Variants in CAPN13 observed in about 807,000 individuals in gnomAD.
The protein encoded by CAPN13 is calpain-13.
Under a neutral mutation model 98.4 loss-of-function variants are expected in CAPN13, and 90 were observed. That is an observed-to-expected ratio of 0.92 (90% CI 0.77 to 1.09). The LOEUF is 1.09. Among genes scored for constraint, CAPN13 ranks in the 50% least tolerant of loss-of-function variants. The pLI is 0.00. For missense variants in CAPN13, 887 were observed against 841.3 expected, an observed-to-expected ratio of 1.05 and a Z score of -0.67; for synonymous variants, 330 against 305.5, an observed-to-expected ratio of 1.08 and a Z score of -0.84.
At chr2:30,743,667 C>T (rs1671768784) in intron 12 of CAPN13, 88 bp from the exon 13 acceptor site, 1 of 1,124,856 alleles carries the variant, frequency 8.9e-7, no homozygotes, top group African/African-American at 1.5e-5. Flanking sequence ...ACCTTCTAGA[C>T]CGTCTCCATT....
At chr2:30,754,442 C>A in intron 8 of CAPN13, 78 bp from the exon 9 acceptor site, 2 of 1,209,982 alleles carry the variant, frequency 1.7e-6, no homozygotes, top group Non-Finnish European at 2.3e-6. Flanking sequence ...CAACAGGGAC[C>A]CTCTGTACAT....
At chr2:30,767,805 G>A (rs1398058474) in intron 5 of CAPN13, among the ~76,000 whole-genome samples, 1 of 152,186 alleles carries the variant, frequency 6.6e-6, no homozygotes, top group African/African-American at 2.4e-5. Flanking sequence ...CTTCCAGAAG[G>A]ACAGGGGTGG....
At chr2:30,799,734 C>A (rs1159609742) in intron 1 of CAPN13, among the ~76,000 whole-genome samples, 1 of 151,896 alleles carries the variant, frequency 6.6e-6, no homozygotes, top group South Asian at 2.1e-4. Flanking sequence ...AGGGAAGAGG[C>A]CATGAAATGA....
At chr2:30,756,973 G>A (rs1022675359) in intron 8 of CAPN13, among the ~76,000 whole-genome samples, 7 of 152,272 alleles carry the variant, frequency 4.6e-5, no homozygotes, top group East Asian at 3.9e-4. Flanking sequence ...GGATCGGAGC[G>A]GTCCTGCCAC....
At chr2:30,736,292 C>A (rs1671361038) in intron 18 of CAPN13, among the ~76,000 whole-genome samples, 1 of 152,204 alleles carries the variant, frequency 6.6e-6, no homozygotes, top group Non-Finnish European at 1.5e-5. Context: ...ACCTCCAACG[C>A]ATCCCTCATT....
intron 1 of CAPN13, among the ~76,000 whole-genome samples, chr2:30,803,429 T>C (rs567209915): frequency 3.7e-4 from 56 of 152,220 alleles, no homozygotes; most frequent in African/African-American, 1.3e-3. Context: ...TCCACAGGCA[T>C]GGGAGGTGGA....
At chr2:30,804,403 A>C (rs1335071124) in intron 1 of CAPN13, among the ~76,000 whole-genome samples, 1 of 152,114 alleles carries the variant, frequency 6.6e-6, no homozygotes. Context: ...GAGTTTCACC[A>C]TGTTGGCCAG....
intron 4 of CAPN13, among the ~76,000 whole-genome samples, chr2:30,771,633 G>A (rs147564539): frequency 4.6e-5 from 7 of 152,322 alleles, no homozygotes; most frequent in Admixed American, 6.5e-5. Flanking sequence ...CCGAAGCACC[G>A]AGGGAAGCTA....
intron 2 of CAPN13, among the ~76,000 whole-genome samples, chr2:30,782,096 C>A (rs984928391): frequency 2.0e-5 from 3 of 152,138 alleles, no homozygotes; most frequent in Admixed American, 2.0e-4. Flanking sequence ...GGGCTCCTGG[C>A]ATCTTAGAAA....
intron 1 of CAPN13, among the ~76,000 whole-genome samples, chr2:30,794,164 G>A (rs1331708976): frequency 2.7e-5 from 4 of 149,834 alleles, no homozygotes; most frequent in Admixed American, 6.7e-5. Flanking sequence ...TCAGACAAAG[G>A]ACTTGAATCC....
intron 15 of CAPN13, among the ~76,000 whole-genome samples, chr2:30,740,883 A>C (rs1671617861): frequency 6.6e-6 from 1 of 152,232 alleles, no homozygotes; most frequent in Non-Finnish European, 1.5e-5. Flanking sequence ...TCAGGGGCTA[A>C]CCTTCATTCA....
In CAPN13 at chr2:30,740,082, G is replaced by GTT. The variant is rs143581068; in HGVS notation, c.1537-1627_1537-1626dup. Among the ~76,000 whole-genome samples the GTT allele has an allele frequency of 3.5e-4, 42 of 121,414 alleles. 1 individual carries two copies. The highest frequency in any genetic ancestry group is 2.6e-3 in the South Asian group (10 of 3,778). 79.7% of individuals were successfully genotyped at this position (121,414 alleles called of 152,430 possible). A position where few individuals can be genotyped will look rare whatever the true frequency, so the allele number is the denominator to read the frequency against. On this transcript the variant is annotated intron_variant, in intron 15 of 22. Transcript: ENST00000295055. ...TGGTAGTATCAAGTCATTGTATTAG[G>GTT]TTTTTTTTTTTTTTTTTTTTTTTTT...
chr2:30,770,458 G>C lies in CAPN13; in HGVS notation c.388-9C>G, dbSNP rs770418596. ...TGGCCACATTGCCAGAACTGGAAGA[G>C]AGCCAAGCATATGCTTTGACAGAGT... On this transcript the variant is annotated splice_polypyrimidine_tract_variant and intron_variant, in intron 4 of 22. Coordinates refer to ENST00000295055, the MANE Select transcript of CAPN13 (RefSeq NM_144575.3). 3.7e-6 allele frequency: 6 copies of C among 1,613,374 alleles called. No homozygotes were observed. Among genetic ancestry groups the C allele is most frequent in the African/African-American group, 2.7e-5 (2 of 74,940 alleles).
chr2:30,769,945 C>T (rs1372380154), intron 5 of CAPN13, among the ~76,000 whole-genome samples: 2 of 152,148 alleles, frequency 1.3e-5, no homozygotes, highest in African/African-American at 4.8e-5. Flanking sequence ...ACTCAAATGC[C>T]ACCACCTCCA....
At chr2:30,798,840 T>G (rs1337544626) in intron 1 of CAPN13, among the ~76,000 whole-genome samples, 1 of 152,068 alleles carries the variant, frequency 6.6e-6, no homozygotes. Context: ...AAATTAAAAC[T>G]AACAGAGCTT....
At chr2:30,732,611 G>T in intron 19 of CAPN13, 45 bp from the exon 20 acceptor site, 1 of 1,578,338 alleles carries the variant, frequency 6.3e-7, no homozygotes, top group Non-Finnish European at 8.6e-7. Flanking sequence ...GCTAGGGCTC[G>T]GGGGTTCCTC....
chr2:30,797,216 C>G (rs1460535750), intron 1 of CAPN13, among the ~76,000 whole-genome samples: 1 of 152,134 alleles, frequency 6.6e-6, no homozygotes, highest in African/African-American at 2.4e-5. Context: ...CAGAATAATC[C>G]TGCTGTAAGA....
At chr2:30,782,901 T>G (rs552920367) in intron 2 of CAPN13, among the ~76,000 whole-genome samples, 19 of 152,206 alleles carry the variant, frequency 1.2e-4, no homozygotes, top group Non-Finnish European at 2.2e-4. Flanking sequence ...TTAAATTAAT[T>G]TAAATTCAAT....
At chr2:30,778,828 G>A (rs1024251637) in intron 2 of CAPN13, among the ~76,000 whole-genome samples, 1 of 152,166 alleles carries the variant, frequency 6.6e-6, no homozygotes, top group African/African-American at 2.4e-5. Flanking sequence ...AGGCCCTCCC[G>A]GGTGAGGGGG....
Sources: gnomAD v4.1 joint callset for allele counts (sites outside exome capture counted in the v4.1 genomes callset) on GRCh38, gnomAD v4.1.1 for gene constraint, MANE v1.5 for transcripts, NCBI Gene and HGNC (gene_info 2026-07-23, HGNC 2026-07-21) for gene names.